The following TMIGD3 variants were observed in gnomAD, a reference collection of about 807,000 sequenced individuals.
TMIGD3 encodes transmembrane and immunoglobulin domain containing 3.
A neutral mutation model predicts 28.1 loss-of-function variants in TMIGD3; 21 were observed. The ratio of observed to expected loss-of-function variants is 0.75; its 90% confidence interval spans 0.53 to 1.08. The LOEUF (loss-of-function observed/expected upper bound fraction) is 1.08, where lower values mean the gene tolerates loss of function less well. Among genes scored for constraint, TMIGD3 ranks in the 50% least tolerant of loss-of-function variants. TMIGD3 has a pLI of 0.00. For synonymous variants in TMIGD3, 151 were observed against 162.1 expected (o/e 0.93, Z 0.52); for missense variants, 416 against 435.6 (o/e 0.96, Z 0.40).
chr1:111,504,317 C>T (rs754925078), upstream of TMIGD3, among the ~76,000 whole-genome samples: 1 of 152,208 alleles, frequency 6.6e-6, no homozygotes. Flanking sequence ...AATGACCAGA[C>T]ATACAGAAAG....
chr1:111,518,277 A>G (rs1655932982), intron 1 of TMIGD3, among the ~76,000 whole-genome samples: 1 of 152,244 alleles, frequency 6.6e-6, no homozygotes, highest in Admixed American at 6.5e-5. Flanking sequence ...GGTAGTTACC[A>G]TTCATTCAGC....
At chr1:111,489,690 C>T (rs1472371060) in intron 2 of TMIGD3, 2 of 1,079,548 alleles carry the variant, frequency 1.9e-6, no homozygotes, top group Non-Finnish European at 2.3e-6. Flanking sequence ...CTGTCCCTAG[C>T]TCCCACCCTA....
intron 1 of TMIGD3, among the ~76,000 whole-genome samples, chr1:111,559,085 G>T (rs1224945718): frequency 6.6e-6 from 1 of 152,026 alleles, no homozygotes; most frequent in African/African-American, 2.4e-5. Flanking sequence ...TAAAAAACAT[G>T]TATTTAAACT....
At chr1:111,559,446 C>T (rs1657643497) in intron 1 of TMIGD3, among the ~76,000 whole-genome samples, 1 of 152,132 alleles carries the variant, frequency 6.6e-6, no homozygotes, top group Admixed American at 6.5e-5. Context: ...TGGAAGTCAG[C>T]ATAATACTGG....
chr1:111,489,912 C>A (rs977029126), intron 2 of TMIGD3, among the ~76,000 whole-genome samples: 1 of 152,150 alleles, frequency 6.6e-6, no homozygotes, highest in East Asian at 1.9e-4. Context: ...GGGAAAGTGT[C>A]TGACCAAGAA....
chr1:111,538,638 G>A (rs1038641082), intron 1 of TMIGD3, among the ~76,000 whole-genome samples: 9 of 152,220 alleles, frequency 5.9e-5, no homozygotes, highest in Middle Eastern at 3.4e-3. Context: ...CAAAACAATC[G>A]CAACATCTAT....
rs368184212 is a variant in TMIGD3, at chr1:111,496,748, TATAA to T, written c.351-5990_351-5987del. Reference sequence around the variant, plus strand: ...GCTTAAGTTCGTGTTTTTATGCTACTATAAATGTTTCCCACTCTTCTGCCTACCT... The same window carrying T: ...GCTTAAGTTCGTGTTTTTATGCTACTATGTTTCCCACTCTTCTGCCTACCT... On this transcript the variant is annotated intron_variant, in intron 1 of 5. Coordinates refer to ENST00000369716, the MANE Select transcript of TMIGD3 (RefSeq NM_020683.7). 1.2e-3 allele frequency among the ~76,000 whole-genome samples: 181 copies of T among 152,358 alleles called. 1 individual carries two copies. In the Middle Eastern group the frequency reaches 0.014, roughly 11 times the overall value.
At chr1:111,487,617 C>T (rs1226662618) in intron 3 of TMIGD3, among the ~76,000 whole-genome samples, 8 of 152,116 alleles carry the variant, frequency 5.3e-5, no homozygotes, top group Admixed American at 2.0e-4. Context: ...CAGAAGGAAC[C>T]TGAGTGAACA....
intron 1 of TMIGD3, among the ~76,000 whole-genome samples, chr1:111,521,694 C>T (rs1047596725): frequency 6.6e-6 from 1 of 152,064 alleles, no homozygotes; most frequent in African/African-American, 2.4e-5. Flanking sequence ...ATAAGATTTG[C>T]AAATCTTTTC....
chr1:111,490,586 G>A, intron 2 of TMIGD3, 70 bp downstream of exon 2: 2 of 1,157,596 alleles, frequency 1.7e-6, no homozygotes, highest in South Asian at 1.3e-5. Context: ...AAGTAGGTGA[G>A]GACTTCAGTG....
intron 1 of TMIGD3, among the ~76,000 whole-genome samples, chr1:111,509,093 TCAAA>T (rs576727446): frequency 2.0e-5 from 3 of 152,116 alleles, no homozygotes; most frequent in African/African-American, 7.2e-5. Flanking sequence ...AGACTCCGTC[TCAAA>T]CAAACAAACA....
chr1:111,518,221 A>C (rs1441960930), intron 1 of TMIGD3, among the ~76,000 whole-genome samples: 1 of 152,226 alleles, frequency 6.6e-6, no homozygotes, highest in East Asian at 1.9e-4. Context: ...TGATTTCTCC[A>C]GAATCTGGGT....
chr1:111,558,480 C>T (rs1010193930), intron 1 of TMIGD3, among the ~76,000 whole-genome samples: 13 of 152,104 alleles, frequency 8.5e-5, no homozygotes, highest in Non-Finnish European at 1.9e-4. Context: ...AGCCAAAGCA[C>T]CTGGAGGGAA....
At chr1:111,483,971 T>C (rs1036513751) in intron 5 of TMIGD3, among the ~76,000 whole-genome samples, 1 of 152,208 alleles carries the variant, frequency 6.6e-6, no homozygotes, top group Non-Finnish European at 1.5e-5. Flanking sequence ...TGCATTCACC[T>C]CTGTGAACAC....
intron 1 of TMIGD3, among the ~76,000 whole-genome samples, chr1:111,513,995 G>A (rs1458703231): frequency 6.6e-6 from 1 of 152,178 alleles, no homozygotes; most frequent in African/African-American, 2.4e-5. Flanking sequence ...GGAGGGCAAA[G>A]GGTGAAGCCT....
At chr1:111,531,464 C>T (rs1345014529) in intron 1 of TMIGD3, among the ~76,000 whole-genome samples, 1 of 152,084 alleles carries the variant, frequency 6.6e-6, no homozygotes, top group Admixed American at 6.5e-5. Context: ...TTTATGTCTT[C>T]CATGTCTCTA....
chr1:111,524,672 T>G (rs1350598057), intron 1 of TMIGD3, among the ~76,000 whole-genome samples: 1 of 152,172 alleles, frequency 6.6e-6, no homozygotes, highest in East Asian at 1.9e-4. Context: ...CAGGCTGGAG[T>G]GCGGTGGCAT....
At chr1:111,514,115 T>C (rs1441087055) in intron 1 of TMIGD3, among the ~76,000 whole-genome samples, 1 of 152,218 alleles carries the variant, frequency 6.6e-6, no homozygotes, top group African/African-American at 2.4e-5. Flanking sequence ...AGGATGCACA[T>C]ACCCTTTTAT....
At chr1:111,508,381 T>C (rs116450776), upstream of TMIGD3, among the ~76,000 whole-genome samples, 2,045 of 152,328 alleles carry the variant, frequency 0.013, 35 homozygotes, top group African/African-American at 0.047. Context: ...CTATGCTCAA[T>C]GGTGGCCACC....
Sources: gnomAD v4.1 joint callset for allele counts (sites outside exome capture counted in the v4.1 genomes callset) on GRCh38, gnomAD v4.1.1 for gene constraint, MANE v1.5 for transcripts, NCBI Gene and HGNC (gene_info 2026-07-23, HGNC 2026-07-21) for gene names.